The following EHBP1 variants were observed in gnomAD, a reference collection of about 807,000 sequenced individuals.
EHBP1 encodes the protein EH domain-binding protein 1.
A neutral mutation model predicts 144.0 loss-of-function variants in EHBP1; 55 were observed. The ratio of observed to expected loss-of-function variants is 0.38; its 90% CI spans 0.31 to 0.48. The LOEUF is 0.48. EHBP1 is among the 20% of genes least tolerant of loss of function. The pLI, the probability that EHBP1 is intolerant of heterozygous loss-of-function variation, is 0.98. For synonymous variants in EHBP1, 469 were observed against 472.7 expected, an observed-to-expected ratio of 0.99 and a Z score of 0.10; for missense variants, 1,200 against 1,364.2, an observed-to-expected ratio of 0.88 and a Z score of 1.90.
chr2:62,705,638 G>A (rs909590767), upstream of EHBP1: 1 of 152,362 alleles, frequency 6.6e-6, no homozygotes, highest in Non-Finnish European at 1.5e-5. Context: ...CCCGGCCGCC[G>A]AGGTGGGCGG....
At chr2:62,752,672 G>T (rs879370770) in intron 3 of EHBP1, among the ~76,000 whole-genome samples, 1 of 152,122 alleles carries the variant, frequency 6.6e-6, no homozygotes, top group African/African-American at 2.4e-5. Context: ...CCTGTACTGG[G>T]TGCATATATA....
chr2:62,874,629 TGATGATTTAA>T, intron 10 of EHBP1, 97 bp downstream of exon 10: 1 of 1,093,060 alleles, frequency 9.1e-7, no homozygotes, highest in Non-Finnish European at 1.3e-6. Context: ...TGGCTATTTT[TGATGATTTAA>T]AAATAATATC....
chr2:62,851,103 T>C (rs2048665856), intron 7 of EHBP1, among the ~76,000 whole-genome samples: 1 of 152,220 alleles, frequency 6.6e-6, no homozygotes, highest in African/African-American at 2.4e-5. Context: ...CAAGTATTTA[T>C]TGAGTGCCTT....
intron 2 of EHBP1, among the ~76,000 whole-genome samples, chr2:62,708,615 A>G (rs950824635): frequency 1.3e-5 from 2 of 152,234 alleles, no homozygotes; most frequent in East Asian, 3.8e-4. Context: ...TGCTTGGAAC[A>G]GTGTCAGGGA....
At chr2:62,712,841 ATACTGGTGGT>A (rs1223430671) in intron 2 of EHBP1, among the ~76,000 whole-genome samples, 3 of 152,312 alleles carry the variant, frequency 2.0e-5, no homozygotes, top group African/African-American at 7.2e-5. Flanking sequence ...TAATGACAAG[ATACTGGTGGT>A]GTCCTTGGAT....
At chr2:62,809,329 G>A (rs2044781689) in intron 5 of EHBP1, among the ~76,000 whole-genome samples, 1 of 139,908 alleles carries the variant, frequency 7.1e-6, no homozygotes, top group Admixed American at 7.2e-5. Flanking sequence ...GAAGAGCACA[G>A]TACCCTTGTG....
chr2:62,943,450 T>C (rs1275418314), intron 11 of EHBP1, among the ~76,000 whole-genome samples: 4 of 150,522 alleles, frequency 2.7e-5, no homozygotes, highest in Admixed American at 1.3e-4. Context: ...ATTATGAAAA[T>C]TGTGTTAGTG....
intron 10 of EHBP1, among the ~76,000 whole-genome samples, chr2:62,899,021 C>T (rs2053181115): frequency 6.6e-6 from 1 of 152,062 alleles, no homozygotes; most frequent in African/African-American, 2.4e-5. Flanking sequence ...GTGAAGTGTT[C>T]ATTACATTTT....
intron 5 of EHBP1, among the ~76,000 whole-genome samples, chr2:62,811,657 C>T (rs2045017717): frequency 1.3e-5 from 2 of 152,084 alleles, no homozygotes; most frequent in South Asian, 4.2e-4. Context: ...GAAAAGTACC[C>T]ACAAACAAAT....
chr2:62,943,245 G>A (rs568934596), intron 11 of EHBP1, among the ~76,000 whole-genome samples: 90 of 152,060 alleles, frequency 5.9e-4, no homozygotes, highest in Non-Finnish European at 1.0e-3. Flanking sequence ...GTGTGGTGGC[G>A]CATGCCTGAA....
chr2:62,739,030 TGTTTTTGGAGAA>T (rs2038426904), intron 2 of EHBP1, among the ~76,000 whole-genome samples: 2 of 152,228 alleles, frequency 1.3e-5, no homozygotes, highest in African/African-American at 4.8e-5. Flanking sequence ...AGGTTGCTAA[TGTTTTTGGAGAA>T]GTTACTGAAA....
At chr2:62,966,390 T>C (rs774516670) in intron 14 of EHBP1, among the ~76,000 whole-genome samples, 18 of 152,194 alleles carry the variant, frequency 1.2e-4, no homozygotes, top group Non-Finnish European at 2.4e-4. Context: ...ATTAGACAGC[T>C]CATCTATCAA....
intron 6 of EHBP1, 61 bp downstream of exon 6, chr2:62,826,329 A>G: frequency 7.1e-7 from 1 of 1,414,710 alleles, no homozygotes; most frequent in East Asian, 2.5e-5. Context: ...ATAGCTTTTG[A>G]CTCAGTAGAC....
At chr2:62,853,680 A>G (rs2048836740) in intron 7 of EHBP1, among the ~76,000 whole-genome samples, 1 of 152,232 alleles carries the variant, frequency 6.6e-6, no homozygotes, top group South Asian at 2.1e-4. Context: ...ATCACTACCT[A>G]TGAGAGCTAT....
intron 14 of EHBP1, among the ~76,000 whole-genome samples, chr2:62,968,285 A>C (rs2058337985): frequency 1.3e-5 from 2 of 152,296 alleles, no homozygotes; most frequent in Middle Eastern, 3.4e-3. Context: ...GTGTTGGTGG[A>C]GTGTTAAATT....
At chr2:62,748,502 C>CA (rs1163406475) in intron 3 of EHBP1, among the ~76,000 whole-genome samples, 1 of 151,718 alleles carries the variant, frequency 6.6e-6, no homozygotes, top group East Asian at 1.9e-4. Flanking sequence ...AAAACAAAAA[C>CA]AAAAACAAAA....
chr2:62,769,833 A>G (rs1053342150), intron 4 of EHBP1, among the ~76,000 whole-genome samples: 2 of 151,252 alleles, frequency 1.3e-5, no homozygotes, highest in African/African-American at 4.8e-5. Flanking sequence ...ATGTAGACTA[A>G]TGGAACAGAA....
intron 7 of EHBP1, among the ~76,000 whole-genome samples, chr2:62,855,262 G>A (rs1437533253): frequency 6.6e-6 from 1 of 152,210 alleles, no homozygotes; most frequent in East Asian, 1.9e-4. Flanking sequence ...GCCCGGCCAG[G>A]TGTGCACATG....
At chr2:63,000,259 C>T (rs1353763464) in intron 19 of EHBP1, among the ~76,000 whole-genome samples, 1 of 152,156 alleles carries the variant, frequency 6.6e-6, no homozygotes, top group Non-Finnish European at 1.5e-5. Context: ...TGGGAAAGGG[C>T]ACCAACGACA....
Sources: gnomAD v4.1 joint callset for allele counts (sites outside exome capture counted in the v4.1 genomes callset) on GRCh38, gnomAD v4.1.1 for gene constraint, MANE v1.5 for transcripts, NCBI Gene and HGNC (gene_info 2026-07-23, HGNC 2026-07-21) for gene names.